Variants in NRK observed in about 807,000 individuals in gnomAD.
The protein encoded by NRK is nik-related protein kinase.
Under a neutral mutation model 125.2 loss-of-function variants are expected in NRK, and 67 were observed. The observed-to-expected ratio is 0.54, with a 90% CI of 0.44 to 0.66. The LOEUF (loss-of-function observed/expected upper bound fraction) is 0.66, where lower values mean the gene tolerates loss of function less well. Among genes scored for constraint, NRK ranks in the 30% least tolerant of loss-of-function variants. The pLI, the probability that NRK is intolerant of heterozygous loss-of-function variation, is 0.00. For synonymous variants in NRK, 458 were observed against 429.0 expected (o/e 1.07, Z -0.84); for missense variants, 1,224 against 1,192.9 (o/e 1.03, Z -0.38).
intron 2 of NRK, among the ~76,000 whole-genome samples, chrX:105,874,634 A>T (rs1301726153): frequency 8.9e-6 from 1 of 111,962 alleles, no homozygotes; most frequent in Non-Finnish European, 1.9e-5. Flanking sequence ...TTTTTGTTAA[A>T]AGCAGGCACA....
At chrX:105,872,639 G>A in intron 2 of NRK, among the ~76,000 whole-genome samples, 1 of 111,141 alleles carries the variant, frequency 9.0e-6, no homozygotes, top group African/African-American at 3.3e-5. Flanking sequence ...CTGTCCCTTT[G>A]GGCTTGTTGA....
intron 16 of NRK, among the ~76,000 whole-genome samples, chrX:105,919,002 G>GAAAAAAAA (rs57376881): frequency 5.1e-5 from 2 of 39,490 alleles, no homozygotes; most frequent in Non-Finnish European, 4.8e-5. Context: ...ATGGTTTCCT[G>GAAAAAAAA]AAAAAAAAAA....
chrX:105,943,197 G>C (rs1372811185), intron 23 of NRK, among the ~76,000 whole-genome samples: 7 of 111,467 alleles, frequency 6.3e-5, no homozygotes, highest in Non-Finnish European at 1.3e-4. Flanking sequence ...GATCAATTTT[G>C]AGTTAATTTT....
chrX:105,824,500 C>T (rs2039065655), intron 1 of NRK, among the ~76,000 whole-genome samples: 1 of 109,526 alleles, frequency 9.1e-6, no homozygotes. Context: ...GGTGGGCAAA[C>T]TGAAATAAAC....
chrX:105,922,553 T>G (rs192082375), intron 17 of NRK, among the ~76,000 whole-genome samples: 99 of 112,146 alleles, frequency 8.8e-4, no homozygotes, highest in African/African-American at 3.0e-3. Flanking sequence ...TGCTTTCAGA[T>G]TATTCTATTT....
chrX:105,925,199 G>T (rs1238740401), intron 19 of NRK, among the ~76,000 whole-genome samples, 168 bp downstream of exon 19: 4 of 111,130 alleles, frequency 3.6e-5, no homozygotes, highest in Non-Finnish European at 7.6e-5. Context: ...CCTCTAATTT[G>T]GGTGGTTCCT....
Position 105,889,812 on chromosome X carries a change from C to G in NRK, c.378+1393C>G, listed in dbSNP as rs144611387. 5.0e-3 allele frequency among the ~76,000 whole-genome samples: 561 copies of G among 112,369 alleles called. 6 individuals are homozygous for G. The highest frequency in any genetic ancestry group is 0.017 in the African/African-American group (534 of 30,969). The stretch of plus-strand genomic sequence containing the variant: ...GGGCAACAAGTCCCTAGGCTGCACA[C>G]AGCAAGAGGACCCTGGGCCTGGCCC... On this transcript the variant is annotated intron_variant, in intron 5 of 28. Transcript: ENST00000243300.
intron 2 of NRK, among the ~76,000 whole-genome samples, chrX:105,867,560 T>C (rs1263914054): frequency 8.9e-6 from 1 of 112,239 alleles, no homozygotes; most frequent in Non-Finnish European, 1.9e-5. Context: ...TTAGACTGCA[T>C]TTGTGCCTGC....
chrX:105,843,021 G>A (rs917510533), intron 2 of NRK, among the ~76,000 whole-genome samples: 7 of 111,346 alleles, frequency 6.3e-5, no homozygotes, highest in East Asian at 2.8e-4. Flanking sequence ...CTAAGAATTC[G>A]TTAGTCTTTA....
intron 2 of NRK, among the ~76,000 whole-genome samples, chrX:105,859,317 G>C (rs1295057303): frequency 2.7e-5 from 3 of 111,550 alleles, no homozygotes; most frequent in Non-Finnish European, 5.7e-5. Context: ...ATATAGAATA[G>C]TAAAATTGCT....
At chrX:105,941,093 C>A (rs966800571) in intron 23 of NRK, among the ~76,000 whole-genome samples, 7 of 111,652 alleles carry the variant, frequency 6.3e-5, no homozygotes, top group African/African-American at 2.3e-4. Context: ...TGAAAGATAT[C>A]CCCAGATGTT....
chrX:105,924,761 A>G lies in NRK; in HGVS notation c.3042A>G (p.Glu1014=). The G allele has an allele frequency of 4.1e-6, 5 of 1,206,308 alleles. No homozygotes were observed. The highest frequency in any genetic ancestry group is 5.6e-6 in the Non-Finnish European group (5 of 892,436). Residue 1014 remains glutamate (E), a synonymous_variant, in exon 19 of 29, where the codon GAA becomes GAG. Coordinates refer to ENST00000243300, the MANE Select transcript of NRK (RefSeq NM_198465.4). ...ATGATGGAAGTCGTGGAAAAGAGGA[A>G]GCCTACAGAGGCTATGGAAGCCATA... ...DGYDGSRGKE[E]AYRGYGSHTA... is the part of the protein sequence containing the mutation.
chrX:105,837,818 GA>G (rs1309096169), intron 2 of NRK, among the ~76,000 whole-genome samples: 6 of 110,976 alleles, frequency 5.4e-5, no homozygotes, highest in Non-Finnish European at 9.5e-5. Context: ...TTAGAAAAAA[GA>G]AAATAGGTTG....
chrX:105,878,632 AAAC>A (rs2039845759), intron 2 of NRK, among the ~76,000 whole-genome samples: 1 of 104,929 alleles, frequency 9.5e-6, no homozygotes, highest in African/African-American at 3.5e-5. Flanking sequence ...ACTTTAGGTT[AAAC>A]AGACAGGTCT....
At chrX:105,903,463 T>G (rs1479858933) in intron 9 of NRK, among the ~76,000 whole-genome samples, 2 of 111,571 alleles carry the variant, frequency 1.8e-5, no homozygotes, top group Non-Finnish European at 3.8e-5. Context: ...TAAATCACAT[T>G]ATTTAACCTA....
At chrX:105,899,740 G>A (rs2040131795) in intron 8 of NRK, among the ~76,000 whole-genome samples, 1 of 111,305 alleles carries the variant, frequency 9.0e-6, no homozygotes, top group Non-Finnish European at 1.9e-5. Flanking sequence ...CTCCGAGGCC[G>A]CAGATCACCT....
At chrX:105,902,780 G>A (rs1174353388) in intron 9 of NRK, among the ~76,000 whole-genome samples, 14 of 111,300 alleles carry the variant, frequency 1.3e-4, no homozygotes, top group Admixed American at 2.9e-4. Flanking sequence ...GATCTAGGTG[G>A]TATATTTCTT....
chrX:105,888,504 C>T, intron 5 of NRK, 85 bp downstream of exon 5: 13 of 810,697 alleles, frequency 1.6e-5, no homozygotes, highest in South Asian at 2.8e-5. Flanking sequence ...CACTTTTGTG[C>T]ATCTACAGGA....
At chrX:105,919,926 T>G in intron 16 of NRK, among the ~76,000 whole-genome samples, 1 of 106,725 alleles carries the variant, frequency 9.4e-6, no homozygotes, top group Non-Finnish European at 1.9e-5. Flanking sequence ...TTTTGTCTTT[T>G]GTTGCCATTG....
Sources: allele counts gnomAD v4.1 joint callset (sites outside exome capture counted in the v4.1 genomes callset), GRCh38; gene constraint gnomAD v4.1.1; transcripts MANE v1.5; gene names NCBI Gene and HGNC (gene_info 2026-07-23, HGNC 2026-07-21).